Variants in UNC5D observed in about 807,000 individuals in gnomAD.
UNC5D encodes netrin receptor UNC5D.
A neutral mutation model predicts 105.4 loss-of-function variants in UNC5D; 39 were observed. The ratio of observed to expected loss-of-function variants is 0.37; its 90% confidence interval spans 0.29 to 0.48. UNC5D has a LOEUF of 0.48. Among genes scored for constraint, UNC5D ranks in the 20% least tolerant of loss-of-function variants. The pLI is 0.98. For missense variants in UNC5D, 991 were observed against 1,202.4 expected (o/e 0.82, Z 2.60); for synonymous variants, 452 against 450.4 (o/e 1.00, Z -0.04).
chr8:35,475,851 CAG>C, intron 1 of UNC5D, among the ~76,000 whole-genome samples: 1 of 152,244 alleles, frequency 6.6e-6, no homozygotes, highest in East Asian at 1.9e-4. Context: ...GTGTTAAACT[CAG>C]AGTAGAATCA....
At chr8:35,746,775 A>G (rs924498624) in intron 11 of UNC5D, among the ~76,000 whole-genome samples, 1 of 152,216 alleles carries the variant, frequency 6.6e-6, no homozygotes, top group African/African-American at 2.4e-5. Context: ...TAGTTCTTTT[A>G]GGAGAGCTTG....
chr8:35,466,020 A>G (rs1376633381), intron 1 of UNC5D, among the ~76,000 whole-genome samples: 1 of 152,174 alleles, frequency 6.6e-6, no homozygotes, highest in Non-Finnish European at 1.5e-5. Flanking sequence ...GGCTGCTGAC[A>G]ACTGATTTTG....
chr8:35,557,245 C>T (rs1034934464), intron 2 of UNC5D, among the ~76,000 whole-genome samples: 1 of 152,292 alleles, frequency 6.6e-6, no homozygotes, highest in African/African-American at 2.4e-5. Context: ...TAATTCTAAT[C>T]TCTTGTGTGG....
intron 14 of UNC5D, among the ~76,000 whole-genome samples, chr8:35,763,365 T>C (rs1305658651): frequency 1.3e-5 from 2 of 151,214 alleles, no homozygotes; most frequent in Non-Finnish European, 2.9e-5. Context: ...TTATATTTCT[T>C]CCAGTGTTTT....
At chr8:35,282,325 G>A (rs950951585) in intron 1 of UNC5D, among the ~76,000 whole-genome samples, 1 of 152,056 alleles carries the variant, frequency 6.6e-6, no homozygotes, top group African/African-American at 2.4e-5. Flanking sequence ...AAATTTGGTT[G>A]CAAATTATGT....
chr8:35,437,255 T>A (rs1807078184), intron 1 of UNC5D, among the ~76,000 whole-genome samples: 1 of 152,116 alleles, frequency 6.6e-6, no homozygotes, highest in South Asian at 2.1e-4. Flanking sequence ...GGTGTTTTCC[T>A]GAAAACCATC....
intron 11 of UNC5D, among the ~76,000 whole-genome samples, chr8:35,747,163 A>G (rs1428067740): frequency 6.6e-6 from 1 of 152,204 alleles, no homozygotes; most frequent in African/African-American, 2.4e-5. Flanking sequence ...AGGGGAGGAG[A>G]CAACATGATA....
chr8:35,266,988 G>A (rs1804922459), intron 1 of UNC5D, among the ~76,000 whole-genome samples: 1 of 152,032 alleles, frequency 6.6e-6, no homozygotes, highest in Admixed American at 6.5e-5. Context: ...CTATCATGAG[G>A]CGACCAGATT....
intron 1 of UNC5D, among the ~76,000 whole-genome samples, chr8:35,390,109 G>C (rs1192133459): frequency 6.6e-6 from 1 of 152,126 alleles, no homozygotes; most frequent in Non-Finnish European, 1.5e-5. Context: ...GGGGGAGCAG[G>C]CATGTCACAT....
intron 7 of UNC5D, among the ~76,000 whole-genome samples, chr8:35,700,797 G>A (rs928045622): frequency 2.0e-5 from 3 of 152,296 alleles, no homozygotes; most frequent in Middle Eastern, 3.4e-3. Context: ...GGTAGGCAGA[G>A]CAGTTGACCA....
At chr8:35,390,917 C>T (rs1006553308) in intron 1 of UNC5D, among the ~76,000 whole-genome samples, 2 of 152,206 alleles carry the variant, frequency 1.3e-5, no homozygotes, top group African/African-American at 4.8e-5. Context: ...CTAAATTCCA[C>T]ATGCAGAAAA....
At chr8:35,651,753 G>C (rs1450539363) in intron 4 of UNC5D, among the ~76,000 whole-genome samples, 1 of 152,092 alleles carries the variant, frequency 6.6e-6, no homozygotes, top group East Asian at 1.9e-4. Context: ...TTGTATAGGT[G>C]AAACTACACT....
intron 7 of UNC5D, among the ~76,000 whole-genome samples, chr8:35,702,680 GT>G (rs1221330954): frequency 6.6e-6 from 1 of 152,194 alleles, no homozygotes; most frequent in Admixed American, 6.5e-5. Flanking sequence ...GCCCTCTCTT[GT>G]GCTCATTGTA....
chr8:35,587,393 TCC>T (rs984839493), intron 3 of UNC5D, among the ~76,000 whole-genome samples: 4 of 152,222 alleles, frequency 2.6e-5, no homozygotes, highest in Admixed American at 2.6e-4. Context: ...GTTTTGCTTT[TCC>T]TAGTCATCTT....
intron 1 of UNC5D, among the ~76,000 whole-genome samples, chr8:35,543,431 C>T (rs1249456726): frequency 6.6e-6 from 1 of 152,132 alleles, no homozygotes. Context: ...TGCCCAATTG[C>T]ATTACAAATA....
chr8:35,376,801 C>T (rs531592982), intron 1 of UNC5D, among the ~76,000 whole-genome samples: 2 of 152,276 alleles, frequency 1.3e-5, no homozygotes, highest in East Asian at 1.9e-4. Flanking sequence ...GCCAGCAACC[C>T]TCTTCTCCAC....
At chr8:35,682,291 T>C (rs1263535562) in intron 4 of UNC5D, among the ~76,000 whole-genome samples, 2 of 152,300 alleles carry the variant, frequency 1.3e-5, no homozygotes, top group East Asian at 3.9e-4. Flanking sequence ...GGTGATAAAT[T>C]AGCATTCTTT....
chr8:35,490,185 C>T (rs534214203), intron 1 of UNC5D, among the ~76,000 whole-genome samples: 28 of 152,212 alleles, frequency 1.8e-4, no homozygotes, highest in African/African-American at 6.7e-4. Context: ...AACAAAAGTA[C>T]AGAAATGTCT....
At chr8:35,448,050 G>A (rs1807912070) in intron 1 of UNC5D, among the ~76,000 whole-genome samples, 1 of 151,980 alleles carries the variant, frequency 6.6e-6, no homozygotes, top group Non-Finnish European at 1.5e-5. Context: ...CTTTTGGTCT[G>A]TTGCAGAATT....
Sources: gnomAD v4.1 joint callset for allele counts (sites outside exome capture counted in the v4.1 genomes callset) on GRCh38, gnomAD v4.1.1 for gene constraint, MANE v1.5 for transcripts, NCBI Gene and HGNC (gene_info 2026-07-23, HGNC 2026-07-21) for gene names.